Variants in ELAVL4 observed in about 807,000 individuals in gnomAD.
ELAVL4 encodes ELAV-like protein 4.
A neutral mutation model predicts 35.6 loss-of-function variants in ELAVL4; 1 was observed. That is an observed-to-expected ratio of 0.03 (90% confidence interval 0.01 to 0.13). The LOEUF (loss-of-function observed/expected upper bound fraction) is 0.13, where lower values mean the gene tolerates loss of function less well. Among genes scored for constraint, ELAVL4 ranks in the 10% least tolerant of loss-of-function variants. The pLI, the probability that ELAVL4 is intolerant of heterozygous loss-of-function variation, is 1.00. For missense variants in ELAVL4, 267 were observed against 464.9 expected, an observed-to-expected ratio of 0.57 and a Z score of 3.91; for synonymous variants, 156 against 171.0, an observed-to-expected ratio of 0.91 and a Z score of 0.69.
intron 1 of ELAVL4, among the ~76,000 whole-genome samples, chr1:50,080,227 A>C (rs1040469009): frequency 3.3e-5 from 5 of 152,184 alleles, no homozygotes; most frequent in African/African-American, 1.2e-4. Flanking sequence ...TAGCATTCCC[A>C]ACTTTGTACT....
At chr1:50,133,629 AAGAAAGAAAGAAAGAAAGAAAG>A (rs1410180858) in intron 1 of ELAVL4, among the ~76,000 whole-genome samples, 13 of 149,958 alleles carry the variant, frequency 8.7e-5, no homozygotes, top group Non-Finnish European at 1.0e-4. Flanking sequence ...GAAAGAAAGA[AAGAAAGAAAGAAAGAAAGAAAG>A]AGAAAGAAAG....
intron 1 of ELAVL4, among the ~76,000 whole-genome samples, chr1:50,079,081 T>C (rs544875787): frequency 3.3e-5 from 5 of 152,250 alleles, no homozygotes; most frequent in Non-Finnish European, 7.4e-5. Context: ...TTCTGCAACT[T>C]TTAATTTGTA....
intron 1 of ELAVL4, among the ~76,000 whole-genome samples, chr1:50,112,777 G>A (rs1244223234): frequency 1.3e-5 from 2 of 151,984 alleles, no homozygotes; most frequent in African/African-American, 4.8e-5. Flanking sequence ...ATTCATTCAA[G>A]TCATTCTCCT....
At chr1:50,118,031 T>G (rs1327287386) in intron 1 of ELAVL4, among the ~76,000 whole-genome samples, 2 of 152,134 alleles carry the variant, frequency 1.3e-5, no homozygotes, top group African/African-American at 4.8e-5. Context: ...AAAATTAATT[T>G]TAACCAGTGC....
intron 3 of ELAVL4, among the ~76,000 whole-genome samples, chr1:50,189,543 C>A (rs772202679): frequency 4.6e-5 from 7 of 152,224 alleles, no homozygotes; most frequent in Admixed American, 1.3e-4. Flanking sequence ...TGGTCCAGAC[C>A]CCACCAGGGT....
chr1:50,148,435 C>T (rs1674132785), intron 2 of ELAVL4, among the ~76,000 whole-genome samples: 1 of 152,320 alleles, frequency 6.6e-6, no homozygotes, highest in Non-Finnish European at 1.5e-5. Flanking sequence ...GGGGATATAA[C>T]TCAGCCTTTG....
intron 1 of ELAVL4, among the ~76,000 whole-genome samples, chr1:50,098,047 A>G (rs1665791907): frequency 6.6e-6 from 1 of 152,228 alleles, no homozygotes; most frequent in Non-Finnish European, 1.5e-5. Context: ...TATGCATAAC[A>G]TATATGACAC....
intron 1 of ELAVL4, among the ~76,000 whole-genome samples, chr1:50,092,409 G>T (rs371416238): frequency 6.6e-6 from 1 of 152,172 alleles, no homozygotes; most frequent in Non-Finnish European, 1.5e-5. Flanking sequence ...GGCATGTTTC[G>T]GGATGGTTTT....
chr1:50,081,163 G>A (rs1664989588), intron 1 of ELAVL4, among the ~76,000 whole-genome samples: 1 of 152,142 alleles, frequency 6.6e-6, no homozygotes, highest in South Asian at 2.1e-4. Context: ...AACCTTAATT[G>A]AGAGAGCAGT....
chr1:50,058,141 C>G (rs1572102276), intron 1 of ELAVL4, among the ~76,000 whole-genome samples: 1 of 152,122 alleles, frequency 6.6e-6, no homozygotes, highest in Admixed American at 6.5e-5. Flanking sequence ...TGCTATGTCC[C>G]TCTAATCACA....
At chr1:50,186,728 T>C (rs1681880249) in intron 3 of ELAVL4, among the ~76,000 whole-genome samples, 1 of 152,134 alleles carries the variant, frequency 6.6e-6, no homozygotes, top group African/African-American at 2.4e-5. Flanking sequence ...AGATGAGAGG[T>C]TGGGCCAGAT....
intron 1 of ELAVL4, among the ~76,000 whole-genome samples, chr1:50,143,777 G>A (rs938177880): frequency 3.3e-5 from 5 of 152,086 alleles, no homozygotes; most frequent in South Asian, 2.1e-4. Flanking sequence ...CAGGAAATCC[G>A]GGTGCAGGCC....
At chr1:50,061,963 G>A (rs1664004228) in intron 1 of ELAVL4, among the ~76,000 whole-genome samples, 1 of 152,164 alleles carries the variant, frequency 6.6e-6, no homozygotes. Context: ...AACTAATACG[G>A]ATAAGTATTA....
chr1:50,100,140 T>C (rs1441039783), upstream of ELAVL4, among the ~76,000 whole-genome samples: 1 of 152,222 alleles, frequency 6.6e-6, no homozygotes. Context: ...GAAAATCAGT[T>C]AAATTATGTA....
chr1:50,129,239 C>G (rs1670457611), intron 1 of ELAVL4, among the ~76,000 whole-genome samples: 1 of 152,080 alleles, frequency 6.6e-6, no homozygotes, highest in South Asian at 2.1e-4. Flanking sequence ...GAAAAATCCT[C>G]TGGAAGTGCA....
intron 4 of ELAVL4, 51 bp from the exon 5 acceptor site, chr1:50,195,510 T>C: frequency 6.3e-7 from 1 of 1,593,454 alleles, no homozygotes; most frequent in Non-Finnish European, 8.6e-7. Flanking sequence ...CCAAAGATGT[T>C]TACCAGTTTG....
At chr1:50,096,928 T>C (rs1665740355) in intron 1 of ELAVL4, among the ~76,000 whole-genome samples, 1 of 152,204 alleles carries the variant, frequency 6.6e-6, no homozygotes, top group Non-Finnish European at 1.5e-5. Flanking sequence ...TTTATTAAAA[T>C]AGCTTGGTTA....
intron 1 of ELAVL4, among the ~76,000 whole-genome samples, chr1:50,135,092 C>T (rs1384066559): frequency 6.6e-6 from 1 of 152,066 alleles, no homozygotes; most frequent in Non-Finnish European, 1.5e-5. Flanking sequence ...GCCTCTTGTT[C>T]TCTCCAGTGG....
chr1:50,194,144 A>C (rs1683083641), intron 4 of ELAVL4, among the ~76,000 whole-genome samples: 1 of 152,228 alleles, frequency 6.6e-6, no homozygotes, highest in Non-Finnish European at 1.5e-5. Context: ...AGCAGCAGCT[A>C]AACTACTTGC....
Sources: allele counts gnomAD v4.1 joint callset (sites outside exome capture counted in the v4.1 genomes callset), GRCh38; gene constraint gnomAD v4.1.1; transcripts MANE v1.5; gene names NCBI Gene and HGNC (gene_info 2026-07-23, HGNC 2026-07-21).